DAB1: variants seen among roughly 807,000 people sequenced by gnomAD.
DAB1 encodes the protein disabled homolog 1.
DAB1 carries 15 observed loss-of-function variants against 64.6 expected under a neutral mutation model. The observed-to-expected ratio is 0.23, with a 90% confidence interval of 0.16 to 0.36. The LOEUF (loss-of-function observed/expected upper bound fraction) is 0.36. DAB1 is among the 10% of genes least tolerant of loss of function. The pLI is 1.00. For missense variants in DAB1, 596 were observed against 706.7 expected, an observed-to-expected ratio of 0.84 and a Z score of 1.78; for synonymous variants, 235 against 251.9, an observed-to-expected ratio of 0.93 and a Z score of 0.64.
At chr1:58,491,015 G>C (rs893104011) in intron 3 of DAB1, among the ~76,000 whole-genome samples, 63 of 151,552 alleles carry the variant, frequency 4.2e-4, no homozygotes, top group Non-Finnish European at 3.7e-4. Flanking sequence ...CACCATGTTA[G>C]CCAGGATGGT....
intron 3 of DAB1, among the ~76,000 whole-genome samples, chr1:58,485,228 T>TTA (rs533975015): frequency 0.32 from 13,303 of 42,104 alleles, 1,340 homozygotes; most frequent in Non-Finnish European, 0.34. Context: ...AGTCTACTAC[T>TTA]AAAAAAAAAA....
chr1:57,697,125 C>T (rs183528422), intron 6 of DAB1, among the ~76,000 whole-genome samples: 1 of 152,272 alleles, frequency 6.6e-6, no homozygotes, highest in Non-Finnish European at 1.5e-5. Context: ...CTAGGCTAGA[C>T]ATTTTTCAAG....
At chr1:57,539,881 G>A (rs1471889985) in intron 7 of DAB1, among the ~76,000 whole-genome samples, 1 of 152,180 alleles carries the variant, frequency 6.6e-6, no homozygotes, top group African/African-American at 2.4e-5. Flanking sequence ...ATGGGGAAAA[G>A]TACTGCTGAC....
intron 1 of DAB1, among the ~76,000 whole-genome samples, chr1:57,836,186 T>C (rs1652799740): frequency 6.6e-6 from 1 of 152,204 alleles, no homozygotes; most frequent in Non-Finnish European, 1.5e-5. Context: ...ACAACAACTC[T>C]GTGAAGAAAT....
At chr1:57,363,682 C>T (rs1033334836) in intron 1 of DAB1, among the ~76,000 whole-genome samples, 6 of 152,074 alleles carry the variant, frequency 3.9e-5, no homozygotes, top group African/African-American at 1.4e-4. Flanking sequence ...GAATAATGTA[C>T]CCAAGATTGT....
chr1:58,412,896 T>C (rs570667146), intron 3 of DAB1, among the ~76,000 whole-genome samples: 244 of 152,344 alleles, frequency 1.6e-3, no homozygotes, highest in African/African-American at 5.5e-3. Context: ...AAAGTCATTT[T>C]AGGCTGGAAT....
At chr1:58,392,988 G>A (rs749764785) in intron 3 of DAB1, among the ~76,000 whole-genome samples, 6 of 151,934 alleles carry the variant, frequency 3.9e-5, no homozygotes, top group Admixed American at 6.6e-5. Context: ...TGTTGGGATC[G>A]GTCAGAGTTG....
At chr1:57,087,458 G>T (rs1389085727) in intron 4 of DAB1, among the ~76,000 whole-genome samples, 1 of 152,222 alleles carries the variant, frequency 6.6e-6, no homozygotes, top group East Asian at 1.9e-4. Flanking sequence ...ACAGCAGTGG[G>T]TGCAAATGCC....
chr1:58,224,778 A>G (rs1403767678), intron 4 of DAB1, among the ~76,000 whole-genome samples: 1 of 152,172 alleles, frequency 6.6e-6, no homozygotes, highest in East Asian at 1.9e-4. Flanking sequence ...CTGAAACTGG[A>G]TCCCTTCCTT....
At chr1:57,424,475 G>T (rs907804553), upstream of DAB1, among the ~76,000 whole-genome samples, 2 of 152,166 alleles carry the variant, frequency 1.3e-5, no homozygotes, top group African/African-American at 2.4e-5. Context: ...CCGCGCCAGC[G>T]TGGAGAGGGT....
At chr1:58,191,524 G>A (rs1657386776) in intron 4 of DAB1, among the ~76,000 whole-genome samples, 1 of 152,298 alleles carries the variant, frequency 6.6e-6, no homozygotes, top group South Asian at 2.1e-4. Flanking sequence ...CGAGAGAGGG[G>A]AACAGGACTG....
At chr1:58,128,905 G>A (rs1200875013) in intron 5 of DAB1, among the ~76,000 whole-genome samples, 1 of 148,852 alleles carries the variant, frequency 6.7e-6, no homozygotes, top group Non-Finnish European at 1.5e-5. Context: ...CAAGGATATT[G>A]GTCTAAAATT....
At chr1:57,394,222 C>T (rs926725012) in intron 1 of DAB1, among the ~76,000 whole-genome samples, 1 of 152,170 alleles carries the variant, frequency 6.6e-6, no homozygotes, top group Non-Finnish European at 1.5e-5. Flanking sequence ...GGTTGAAGTA[C>T]GTTCCCCTTC....
rs1647401973 is a variant in DAB1 at position 58,048,569 on chromosome 1, T to C, written n.387+101942A>G. 13 of 1,025,968 alleles carry C rather than the reference T, an allele frequency of 1.3e-5. No homozygotes were observed. In the Admixed American group the frequency reaches 1.8e-4, roughly 14 times the overall value. 63.6% of individuals were successfully genotyped at this position (1,025,968 alleles called of 1,614,324 possible). A position where few individuals can be genotyped will look rare whatever the true frequency, so the allele number is the denominator to read the frequency against. ...ATAATTGCCAAACCCATTATAACCA[T>C]CCCCACTGCCACCATATCCACTGAC... On this transcript the variant is annotated intron_variant and non_coding_transcript_variant, in intron 5 of 20. Coordinates refer to the DAB1 transcript ENST00000485760.
At chr1:57,943,447 A>G in intron 5 of DAB1, among the ~76,000 whole-genome samples, 1 of 152,150 alleles carries the variant, frequency 6.6e-6, no homozygotes, top group East Asian at 1.9e-4. Flanking sequence ...GTCCTATTGG[A>G]AGAGCCTGTT....
At chr1:57,734,884 T>C (rs1485584735) in intron 6 of DAB1, among the ~76,000 whole-genome samples, 1 of 152,198 alleles carries the variant, frequency 6.6e-6, no homozygotes, top group Non-Finnish European at 1.5e-5. Context: ...TAATAAATGA[T>C]TTAAAGGAGC....
chr1:58,029,576 G>A (rs955846649), intron 5 of DAB1, among the ~76,000 whole-genome samples: 4 of 152,156 alleles, frequency 2.6e-5, no homozygotes, highest in Non-Finnish European at 4.4e-5. Flanking sequence ...ATCCAACATA[G>A]AATTTGAAGA....
intron 2 of DAB1, among the ~76,000 whole-genome samples, chr1:57,180,411 A>C (rs182375845): frequency 6.6e-5 from 10 of 152,354 alleles, no homozygotes; most frequent in Admixed American, 6.5e-4. Context: ...TTAATGTTTA[A>C]TGTTTTCATG....
At chr1:57,518,019 T>A (rs917680098) in intron 7 of DAB1, among the ~76,000 whole-genome samples, 5 of 152,220 alleles carry the variant, frequency 3.3e-5, no homozygotes, top group African/African-American at 1.2e-4. Context: ...AAGGGTGTTT[T>A]CACAGTCTGA....
Sources: gnomAD v4.1 joint callset for allele counts (sites outside exome capture counted in the v4.1 genomes callset) on GRCh38, gnomAD v4.1.1 for gene constraint, MANE v1.5 for transcripts, NCBI Gene and HGNC (gene_info 2026-07-23, HGNC 2026-07-21) for gene names.